The following ABTB3 variants were observed in gnomAD, a reference collection of about 807,000 sequenced individuals.
ABTB3 encodes the protein ankyrin repeat and BTB domain containing 3.
the ABTB3 span, among the ~76,000 whole-genome samples, chr12:107,406,298 C>A: frequency 5.3e-5 from 8 of 152,204 alleles, no homozygotes; most frequent in Non-Finnish European, 1.0e-4. Flanking sequence ...GGTATGAAAG[C>A]ATGCGCCTGT....
chr12:107,570,340 G>A, the ABTB3 span, among the ~76,000 whole-genome samples: 3 of 152,030 alleles, frequency 2.0e-5, no homozygotes, highest in Non-Finnish European at 2.9e-5. Context: ...TCAGCCTCCC[G>A]AGTACCGGGA....
At chr12:107,325,990 C>T in the ABTB3 span, among the ~76,000 whole-genome samples, 1 of 152,182 alleles carries the variant, frequency 6.6e-6, no homozygotes, top group Non-Finnish European at 1.5e-5. Flanking sequence ...ACTGCAACCT[C>T]CACCTCCCAG....
At chr12:107,500,716 A>T in the ABTB3 span, among the ~76,000 whole-genome samples, 1 of 151,956 alleles carries the variant, frequency 6.6e-6, no homozygotes, top group Non-Finnish European at 1.5e-5. Context: ...AGCACCCAAG[A>T]ATGATTCTAC....
At chr12:107,348,570 A>T in the ABTB3 span, among the ~76,000 whole-genome samples, 4 of 152,150 alleles carry the variant, frequency 2.6e-5, no homozygotes, top group Admixed American at 2.0e-4. Context: ...AAAGAAAATT[A>T]AAAAATTATG....
At chr12:107,352,379 T>A in the ABTB3 span, among the ~76,000 whole-genome samples, 31 of 152,016 alleles carry the variant, frequency 2.0e-4, 1 homozygote, top group Admixed American at 1.2e-3. Flanking sequence ...TAGAGTGCAG[T>A]GGGGAGGGAA....
At chr12:107,335,049 T>TC in the ABTB3 span, among the ~76,000 whole-genome samples, 2 of 151,390 alleles carry the variant, frequency 1.3e-5, no homozygotes. Flanking sequence ...GCTTTGGGAG[T>TC]CCAAGGTGGG....
chr12:107,508,745 G>A, the ABTB3 span, among the ~76,000 whole-genome samples: 1 of 152,086 alleles, frequency 6.6e-6, no homozygotes, highest in Non-Finnish European at 1.5e-5. Flanking sequence ...ACCGTGCCCA[G>A]CCAAGATCAT....
the ABTB3 span, among the ~76,000 whole-genome samples, chr12:107,470,172 G>A: frequency 6.6e-6 from 1 of 151,526 alleles, no homozygotes; most frequent in African/African-American, 2.4e-5. Flanking sequence ...CCAAATAGCT[G>A]GGATTACAGG....
the ABTB3 span, among the ~76,000 whole-genome samples, chr12:107,575,180 A>G: frequency 1.3e-5 from 2 of 152,246 alleles, no homozygotes; most frequent in Non-Finnish European, 2.9e-5. Flanking sequence ...ATGAAAAGTC[A>G]GGGCCACACA....
the ABTB3 span, among the ~76,000 whole-genome samples, chr12:107,635,873 CACA>C: frequency 1.1e-5 from 1 of 94,810 alleles, no homozygotes; most frequent in African/African-American, 5.4e-5. Context: ...CACCCACCCA[CACA>C]CACACACACA....
the ABTB3 span, among the ~76,000 whole-genome samples, chr12:107,425,299 C>G: frequency 1.3e-5 from 2 of 152,176 alleles, no homozygotes; most frequent in African/African-American, 4.8e-5. Flanking sequence ...ATCACCTCCT[C>G]TATTATCTAA....
At chr12:107,536,699 G>A in the ABTB3 span, among the ~76,000 whole-genome samples, 2 of 152,150 alleles carry the variant, frequency 1.3e-5, no homozygotes, top group Non-Finnish European at 2.9e-5. Context: ...ACCCCAGTTA[G>A]AGTGGCTGTT....
At chr12:107,518,325 G>A in the ABTB3 span, among the ~76,000 whole-genome samples, 156 of 152,102 alleles carry the variant, frequency 1.0e-3, 1 homozygote, top group Middle Eastern at 3.4e-3. Flanking sequence ...TGTTTATTGC[G>A]GCACTATTCA....
the ABTB3 span, among the ~76,000 whole-genome samples, chr12:107,389,627 C>T: frequency 6.6e-6 from 1 of 152,122 alleles, no homozygotes; most frequent in Admixed American, 6.6e-5. Context: ...AACATAGTAA[C>T]TTAAAAAAAC....
chr12:107,380,207 C>T, the ABTB3 span, among the ~76,000 whole-genome samples: 4 of 152,140 alleles, frequency 2.6e-5, no homozygotes, highest in Non-Finnish European at 2.9e-5. Context: ...TGCTGCTTTG[C>T]GTTTTATCAC....
At chr12:107,609,955 T>A in the ABTB3 span, 1 of 537,662 alleles carries the variant, frequency 1.9e-6, no homozygotes, top group African/African-American at 1.9e-5. Flanking sequence ...TATTAGTCGT[T>A]ATGTGACTTA....
chr12:107,641,978 A>C, the ABTB3 span: 1 of 960,116 alleles, frequency 1.0e-6, no homozygotes, highest in East Asian at 2.4e-5. Flanking sequence ...GCTATATTTC[A>C]GATTTGCAGG....
the ABTB3 span, among the ~76,000 whole-genome samples, chr12:107,449,230 G>A: frequency 6.6e-6 from 1 of 152,174 alleles, no homozygotes; most frequent in Non-Finnish European, 1.5e-5. Flanking sequence ...GTGCTATTGG[G>A]ACTTCTCTTC....
the ABTB3 span, among the ~76,000 whole-genome samples, chr12:107,415,359 A>G: frequency 6.6e-6 from 1 of 152,166 alleles, no homozygotes; most frequent in African/African-American, 2.4e-5. Context: ...CTCCTCCAGC[A>G]GAGAAGAACA....
Sources: allele counts gnomAD v4.1 joint callset (sites outside exome capture counted in the v4.1 genomes callset), GRCh38; gene constraint gnomAD v4.1.1; transcripts MANE v1.5; gene names NCBI Gene and HGNC (gene_info 2026-07-23, HGNC 2026-07-21).